Variants in GM2A observed in about 807,000 individuals in gnomAD.
The protein encoded by GM2A is GM2 ganglioside activator.
GM2A carries 7 observed loss-of-function variants against 12.9 expected under a neutral mutation model. The ratio of observed to expected loss-of-function variants is 0.54; its 90% CI spans 0.31 to 1.02. The LOEUF (loss-of-function observed/expected upper bound fraction) is 1.02. GM2A is among the 50% of genes least tolerant of loss of function. GM2A has a pLI of 0.05. For synonymous variants in GM2A, 101 were observed against 96.0 expected, an observed-to-expected ratio of 1.05 and a Z score of -0.30; for missense variants, 246 against 241.0, an observed-to-expected ratio of 1.02 and a Z score of -0.14.
intron 1 of GM2A, 70 bp downstream of exon 1, chr5:151,253,367 G>A: frequency 9.0e-7 from 1 of 1,116,244 alleles, no homozygotes; most frequent in Non-Finnish European, 1.4e-6. Context: ...GGGTCTGGCT[G>A]AGATATGGGG....
intron 2 of GM2A, among the ~76,000 whole-genome samples, chr5:151,260,991 A>C (rs950631104): frequency 5.5e-5 from 5 of 91,226 alleles, no homozygotes; most frequent in African/African-American, 1.8e-4. Context: ...CTACTTATTC[A>C]ATTTTTTTTT....
In GM2A at chr5:151,267,519, C is replaced by T; in HGVS notation, c.*68C>T. ...CCCTTTTCCTCTGTTTTGTGTTTGC[C>T]AAGGCCAAACTCCCACTCTCTGCCC... On this transcript the variant is annotated 3_prime_UTR_variant, in exon 4 of 4. Transcript: ENST00000357164. The T allele has an allele frequency of 6.2e-7, 1 of 1,607,284 alleles. No individual in the cohort carries two copies. The highest frequency in any genetic ancestry group is 2.2e-5 in the East Asian group (1 of 44,740).
chr5:151,260,061 T>C lies in GM2A; in HGVS notation c.243+145T>C, dbSNP rs1032427775. 8 of 613,542 alleles carry C rather than the reference T, an allele frequency of 1.3e-5. No individual in the cohort carries two copies. In the African/African-American group the frequency reaches 1.5e-4, roughly 11 times the overall value. The allele number at this position is 613,542 out of a possible 1,614,324, so 38.0% of individuals were successfully genotyped here. On this transcript the variant is annotated intron_variant, in intron 2 of 3. Coordinates refer to ENST00000357164, the MANE Select transcript of GM2A (RefSeq NM_000405.5). ...ACAGGACATGTAGATTCAGACACTCTTTCACAGGTTCATGGAATCTCAGGA... is the reference window on the plus strand; with the variant it reads ...ACAGGACATGTAGATTCAGACACTCCTTCACAGGTTCATGGAATCTCAGGA...
intron 1 of GM2A, among the ~76,000 whole-genome samples, chr5:151,255,198 G>A (rs1753662432): frequency 6.6e-6 from 1 of 152,168 alleles, no homozygotes; most frequent in Admixed American, 6.5e-5. Context: ...CTACTTGAGA[G>A]GCTAAGGTGA....
intron 1 of GM2A, among the ~76,000 whole-genome samples, chr5:151,256,611 A>G (rs1753692090): frequency 6.6e-6 from 1 of 151,160 alleles, no homozygotes. Context: ...GTCTCAAGAA[A>G]AAAAAAAAAA....
rs1397620739 is a variant in GM2A, at chr5:151,270,037, A to G, written c.*2586A>G. 1 of 1,230,106 alleles carries G rather than the reference A, an allele frequency of 8.1e-7. No individual in the cohort carries two copies. Among genetic ancestry groups the G allele is most frequent in the Non-Finnish European group, 1.0e-6 (1 of 987,614 alleles). 76.2% of individuals were successfully genotyped at this position (1,230,106 alleles called of 1,614,324 possible). On this transcript the variant is annotated 3_prime_UTR_variant, in exon 4 of 4. Transcript: ENST00000357164. ...ATTTTTAGTTCACATTCTTGACCGA[A>G]TCTCAGTAGCTCAGTTAATCTTTTT...
intron 1 of GM2A, among the ~76,000 whole-genome samples, chr5:151,257,445 G>A (rs1753711859): frequency 6.6e-6 from 1 of 152,048 alleles, no homozygotes; most frequent in African/African-American, 2.4e-5. Context: ...AATTCTCTGT[G>A]TGGATCAGGC....
intron 1 of GM2A, among the ~76,000 whole-genome samples, chr5:151,254,102 A>G (rs1419525158): frequency 6.6e-6 from 1 of 152,176 alleles, no homozygotes; most frequent in Non-Finnish European, 1.5e-5. Flanking sequence ...TTTGATGGAT[A>G]ATTTCTTCAT....
At chr5:151,254,470 C>G (rs771154803) in intron 1 of GM2A, among the ~76,000 whole-genome samples, 1 of 152,188 alleles carries the variant, frequency 6.6e-6, no homozygotes, top group Non-Finnish European at 1.5e-5. Flanking sequence ...ACCTCAGTCT[C>G]CTGAGTAGCT....
At chr5:151,264,750 C>G (rs190807148) in intron 2 of GM2A, among the ~76,000 whole-genome samples, 4 of 152,038 alleles carry the variant, frequency 2.6e-5, no homozygotes, top group Non-Finnish European at 5.9e-5. Context: ...GAGGCCGAGG[C>G]GGGTGGATCA....
chr5:151,256,965 C>T (rs1753701032), intron 1 of GM2A, among the ~76,000 whole-genome samples: 1 of 152,174 alleles, frequency 6.6e-6, no homozygotes, highest in Non-Finnish European at 1.5e-5. Flanking sequence ...ATACAAACAT[C>T]TTACCCTCAC....
In GM2A at chr5:151,266,800, A is replaced by G; in HGVS notation, c.313A>G (p.Ser105Gly). The part of the protein sequence containing the change: ...IKIPCTDYIG[S>G]CTFEHFCDVL... The stretch of plus-strand genomic sequence containing the variant: ...GATCCCATGCACAGACTACATTGGC[A>G]GCTGTACCTTTGAACACTTCTGTGA... Residue 105 changes from serine to glycine, a missense_variant, in exon 3 of 4, where the codon AGC becomes GGC. Coordinates refer to ENST00000357164, the MANE Select transcript of GM2A (RefSeq NM_000405.5). 6.2e-7 allele frequency: 1 copy of G among 1,613,596 alleles called. No individual in the cohort carries two copies. Among genetic ancestry groups the G allele is most frequent in the Non-Finnish European group, 8.5e-7 (1 of 1,179,500 alleles).
At chr5:151,259,458 C>T (rs2114031960) in intron 1 of GM2A, among the ~76,000 whole-genome samples, 1 of 152,186 alleles carries the variant, frequency 6.6e-6, no homozygotes, top group Non-Finnish European at 1.5e-5. Context: ...CACCAAAGGC[C>T]AATTAGGTCA....
intron 2 of GM2A, among the ~76,000 whole-genome samples, chr5:151,264,048 G>T (rs1010395405): frequency 1.3e-5 from 2 of 152,100 alleles, no homozygotes; most frequent in African/African-American, 4.8e-5. Flanking sequence ...CCAATGCCCA[G>T]CCCTCCCTCA....
chr5:151,263,306 G>A (rs896233636), intron 2 of GM2A, among the ~76,000 whole-genome samples: 6 of 151,796 alleles, frequency 4.0e-5, no homozygotes, highest in Non-Finnish European at 8.8e-5. Context: ...CTGACCTCAG[G>A]TGATCTGCCC....
intron 1 of GM2A, among the ~76,000 whole-genome samples, chr5:151,257,333 C>G (rs752012512): frequency 6.6e-6 from 1 of 152,122 alleles, no homozygotes; most frequent in Non-Finnish European, 1.5e-5. Context: ...CATCTTGTTA[C>G]GTCTCCCCCA....
chr5:151,255,593 G>A (rs1194355678), intron 1 of GM2A, among the ~76,000 whole-genome samples: 2 of 152,174 alleles, frequency 1.3e-5, no homozygotes, highest in African/African-American at 2.4e-5. Flanking sequence ...CGTGCATCTC[G>A]GGGAGTTGTC....
intron 1 of GM2A, among the ~76,000 whole-genome samples, chr5:151,257,072 A>T (rs1753703930): frequency 6.6e-6 from 1 of 152,126 alleles, no homozygotes; most frequent in African/African-American, 2.4e-5. Context: ...AGCTAGTAAG[A>T]CTGGCTGAGC....
At chr5:151,258,434 C>G (rs999977699) in intron 1 of GM2A, among the ~76,000 whole-genome samples, 2 of 152,242 alleles carry the variant, frequency 1.3e-5, no homozygotes, top group African/African-American at 4.8e-5. Flanking sequence ...TGTGGCAGAG[C>G]TATGATTTCC....
Sources: gnomAD v4.1 joint callset for allele counts (sites outside exome capture counted in the v4.1 genomes callset) on GRCh38, gnomAD v4.1.1 for gene constraint, MANE v1.5 for transcripts, NCBI Gene and HGNC (gene_info 2026-07-23, HGNC 2026-07-21) for gene names.